Variants in SLC39A11 observed in about 807,000 individuals in gnomAD.
SLC39A11 encodes zinc transporter ZIP11.
In SLC39A11, 33 loss-of-function variants were observed where a neutral mutation model predicts 36.1. The ratio of observed to expected loss-of-function variants is 0.91; its 90% confidence interval spans 0.69 to 1.22. SLC39A11 has a LOEUF of 1.22. SLC39A11 is among the 50% of genes most tolerant of loss of function. The probability of loss-of-function intolerance (pLI) is 0.00; values close to 1 mark genes in which losing one functional copy is unlikely to be tolerated. For missense variants in SLC39A11, 432 were observed against 430.3 expected (o/e 1.00, Z -0.03); for synonymous variants, 166 against 170.3 (o/e 0.97, Z 0.20).
At position 72,781,412 on chromosome 17, in the gene SLC39A11, GGT is replaced by G. The variant is rs538700732; in HGVS notation, c.602-44695_602-44694del. Among the ~76,000 whole-genome samples the G allele has an allele frequency of 1.4e-3, 214 of 150,448 alleles. 1 individual carries two copies. Among genetic ancestry groups the G allele is most frequent in the African/African-American group, 5.0e-3 (203 of 40,882 alleles). On this transcript the variant is annotated intron_variant, in intron 6 of 9. Coordinates refer to ENST00000255559, the MANE Select transcript of SLC39A11 (RefSeq NM_139177.4). ...CATTTTGTCTTATTTTGTTTCTTTTGGTTTTTTTTTTTTCTTTTTTCTTTTTT... is the reference window on the plus strand; with the variant it reads ...CATTTTGTCTTATTTTGTTTCTTTTGTTTTTTTTTTTCTTTTTTCTTTTTT...
intron 7 of SLC39A11, among the ~76,000 whole-genome samples, chr17:72,665,263 C>CCT (rs1159023552): frequency 2.6e-5 from 4 of 152,038 alleles, no homozygotes; most frequent in Admixed American, 6.5e-5. Context: ...CCCCAGCTGA[C>CCT]CTCTCTTGAT....
chr17:72,675,932 G>A (rs1309086138), intron 7 of SLC39A11, among the ~76,000 whole-genome samples: 1 of 152,030 alleles, frequency 6.6e-6, no homozygotes, highest in Non-Finnish European at 1.5e-5. Context: ...ACCTGCCTTG[G>A]CCTCCCAAAG....
intron 3 of SLC39A11, among the ~76,000 whole-genome samples, chr17:73,047,966 C>CAAAAAAAAAAAA (rs1165334910): frequency 2.9e-4 from 6 of 20,492 alleles, no homozygotes; most frequent in Admixed American, 7.1e-4. Flanking sequence ...GACTCCATCT[C>CAAAAAAAAAAAA]AAAAAAAAAA....
intron 5 of SLC39A11, among the ~76,000 whole-genome samples, chr17:72,902,443 C>CA (rs34988205): frequency 0.59 from 88,920 of 151,974 alleles, 26,765 homozygotes; most frequent in East Asian, 0.72. Context: ...CTTGAGCCTT[C>CA]AGAGGGAGCA....
chr17:73,077,183 G>C (rs1271427220), intron 3 of SLC39A11, among the ~76,000 whole-genome samples: 1 of 152,190 alleles, frequency 6.6e-6, no homozygotes, highest in Non-Finnish European at 1.5e-5. Flanking sequence ...ACATGTATGA[G>C]AATCCACTTT....
chr17:72,659,645 C>T (rs937183519), intron 7 of SLC39A11, among the ~76,000 whole-genome samples: 2 of 136,884 alleles, frequency 1.5e-5, no homozygotes, highest in East Asian at 2.2e-4. Context: ...TGCAGTGGCG[C>T]GATCTTGGGT....
intron 4 of SLC39A11, among the ~76,000 whole-genome samples, chr17:72,971,199 T>C (rs935560069): frequency 1.3e-5 from 2 of 152,134 alleles, no homozygotes; most frequent in African/African-American, 4.8e-5. Context: ...ATGATAGATT[T>C]GGGAACGGTT....
At chr17:73,089,478 C>T (rs554772706) in intron 1 of SLC39A11, among the ~76,000 whole-genome samples, 2 of 152,192 alleles carry the variant, frequency 1.3e-5, no homozygotes, top group South Asian at 2.1e-4. Flanking sequence ...CATCAGAACC[C>T]GGAGCACCCT....
intron 7 of SLC39A11, among the ~76,000 whole-genome samples, chr17:72,702,359 C>T (rs1484100096): frequency 1.3e-5 from 2 of 152,062 alleles, no homozygotes; most frequent in African/African-American, 4.8e-5. Context: ...CCAATTTGGA[C>T]CCCTAGGGAA....
rs373553610 is a variant in SLC39A11, at chr17:72,899,964, GAA to G, written c.430+47786_430+47787del. ...GTGACACAACAAGATTCTGAAAAAA[GAA>G]AGAGAGAGAGAGAGAGAAAGAAAGA... is the stretch of plus-strand genomic sequence containing the variant. On this transcript the variant is annotated intron_variant, in intron 5 of 9. Transcript: ENST00000255559. Among the ~76,000 whole-genome samples the G allele has an allele frequency of 7.8e-3, 940 of 120,860 alleles. 3 individuals are homozygous for G. The highest frequency in any genetic ancestry group is 0.012 in the Non-Finnish European group (710 of 60,316). The allele number at this position is 120,860 out of a possible 152,430, so 79.3% of individuals were successfully genotyped here.
At chr17:72,997,942 GA>G (rs2089612481) in intron 4 of SLC39A11, among the ~76,000 whole-genome samples, 1 of 152,200 alleles carries the variant, frequency 6.6e-6, no homozygotes. Flanking sequence ...TCCTTTAGAT[GA>G]AAAGGTAAAA....
Position 72,734,983 on chromosome 17 carries a change from C to T in SLC39A11, c.671+1667G>A, listed in dbSNP as rs944718396. ...CTACATGCCCCCACCCCAGGCCCCG[C>T]GCTTAGAAGAGCAGTCTGCAGGGTG... On this transcript the variant is annotated intron_variant, in intron 7 of 9. Coordinates refer to ENST00000255559, the MANE Select transcript of SLC39A11 (RefSeq NM_139177.4). 3.9e-5 allele frequency among the ~76,000 whole-genome samples: 6 copies of T among 152,256 alleles called. No individual in the cohort carries two copies. In the East Asian group the frequency reaches 5.8e-4, roughly 15 times the overall value.
intron 6 of SLC39A11, among the ~76,000 whole-genome samples, chr17:72,848,273 C>T (rs1252254198): frequency 6.6e-6 from 1 of 152,196 alleles, no homozygotes; most frequent in Non-Finnish European, 1.5e-5. Flanking sequence ...AAATGCATCC[C>T]AAATTGCTCA....
intron 7 of SLC39A11, among the ~76,000 whole-genome samples, chr17:72,652,199 T>C (rs781583684): frequency 4.6e-5 from 7 of 152,224 alleles, no homozygotes; most frequent in Non-Finnish European, 1.0e-4. Flanking sequence ...ATTTGGCCCA[T>C]GGGCTGCAGT....
intron 7 of SLC39A11, among the ~76,000 whole-genome samples, chr17:72,671,657 G>A (rs1418063975): frequency 6.6e-6 from 1 of 152,096 alleles, no homozygotes; most frequent in East Asian, 1.9e-4. Context: ...GGAGGTGGCG[G>A]TTGCAGTAAG....
intron 4 of SLC39A11, among the ~76,000 whole-genome samples, chr17:72,967,399 A>AGAGAGAGTGTGTGTGT (rs143987646): frequency 1.0e-3 from 143 of 138,276 alleles, no homozygotes; most frequent in African/African-American, 3.9e-3. Flanking sequence ...AGAGAGAGAG[A>AGAGAGAGTGTGTGTGT]GTGTGTGTGT....
chr17:72,884,346 T>C (rs1257256762), intron 5 of SLC39A11, among the ~76,000 whole-genome samples: 1 of 152,206 alleles, frequency 6.6e-6, no homozygotes, highest in Non-Finnish European at 1.5e-5. Context: ...TTTCAAACAA[T>C]GAATCCTCAG....
At chr17:72,743,811 T>G (rs1001670051) in intron 6 of SLC39A11, among the ~76,000 whole-genome samples, 3 of 152,072 alleles carry the variant, frequency 2.0e-5, no homozygotes, top group African/African-American at 7.2e-5. Context: ...CCACCTCGAG[T>G]GCAAATAGAA....
chr17:73,087,072 A>C (rs1229286088), intron 2 of SLC39A11, among the ~76,000 whole-genome samples: 2 of 151,860 alleles, frequency 1.3e-5, no homozygotes, highest in East Asian at 3.9e-4. Context: ...AAAAAAACAA[A>C]CAAAAACAAA....
Sources: allele counts gnomAD v4.1 joint callset (sites outside exome capture counted in the v4.1 genomes callset), GRCh38; gene constraint gnomAD v4.1.1; transcripts MANE v1.5; gene names NCBI Gene and HGNC (gene_info 2026-07-23, HGNC 2026-07-21).